DMD: variants seen among roughly 807,000 people sequenced by gnomAD.
DMD encodes mutant dystrophin.
DMD carries 63 observed loss-of-function variants against 330.1 expected under a neutral mutation model. The ratio of observed to expected loss-of-function variants is 0.19; its 90% CI spans 0.16 to 0.24. The LOEUF (loss-of-function observed/expected upper bound fraction) is 0.24, where lower values mean the gene tolerates loss of function less well. Ranked by LOEUF, DMD falls within the 10% of genes least tolerant of loss-of-function variation. The pLI is 1.00. For missense variants in DMD, 3,344 were observed against 2,684.1 expected (o/e 1.25, Z -5.43); for synonymous variants, 1,223 against 959.8 (o/e 1.27, Z -5.07).
chrX:33,124,972 C>A (rs2095453216), intron 1 of DMD, among the ~76,000 whole-genome samples: 1 of 99,359 alleles, frequency 1.0e-5, no homozygotes, highest in Non-Finnish European at 2.0e-5. Context: ...TGCGGTGAGC[C>A]TAAATCTCGC....
At position 32,573,851 on chromosome X, in the gene DMD, A is replaced by G; in HGVS notation, c.1603-5T>C. ...TGCCCATCGATCTCCCAATACCTGGAGAAGAGACAATCAAGCACAGCATCA... is the reference window on the plus strand; with the variant it reads ...TGCCCATCGATCTCCCAATACCTGGGGAAGAGACAATCAAGCACAGCATCA... On this transcript the variant is annotated splice_polypyrimidine_tract_variant and splice_region_variant and intron_variant, in intron 13 of 78. Transcript: ENST00000357033. The G allele has an allele frequency of 8.4e-7, 1 of 1,190,522 alleles. No homozygotes were observed. Among genetic ancestry groups the G allele is most frequent in the Non-Finnish European group, 1.1e-6 (1 of 876,548 alleles).
At chrX:32,610,664 TC>T (rs1316583449) in intron 12 of DMD, among the ~76,000 whole-genome samples, 2 of 111,508 alleles carry the variant, frequency 1.8e-5, no homozygotes, top group Non-Finnish European at 3.8e-5. Context: ...CTGTATCTTT[TC>T]TTTAATTTTG....
chrX:32,485,734 C>CTTTTTTTTAT (rs2042378496), intron 20 of DMD, among the ~76,000 whole-genome samples: 2 of 36,149 alleles, frequency 5.5e-5, no homozygotes, highest in Non-Finnish European at 9.3e-5. Context: ...GCAACCACTG[C>CTTTTTTTTAT]TTTTTTTTTT....
At chrX:31,235,268 G>C (rs1275187420) in intron 63 of DMD, among the ~76,000 whole-genome samples, 4 of 111,697 alleles carry the variant, frequency 3.6e-5, no homozygotes, top group Non-Finnish European at 5.6e-5. Context: ...TTTCCAAGAT[G>C]ACATAAGCAG....
At chrX:32,956,480 C>G (rs964539601) in intron 2 of DMD, among the ~76,000 whole-genome samples, 5 of 111,405 alleles carry the variant, frequency 4.5e-5, no homozygotes, top group African/African-American at 6.5e-5. Context: ...CTGCATGCAA[C>G]AGATGCAATG....
chrX:33,243,215 T>C (rs1311262282), intron 1 of DMD, among the ~76,000 whole-genome samples: 1 of 112,154 alleles, frequency 8.9e-6, no homozygotes, highest in Non-Finnish European at 1.9e-5. Context: ...TGTTATCTTC[T>C]AGAATTTTTA....
intron 41 of DMD, among the ~76,000 whole-genome samples, chrX:32,335,099 CTT>C (rs1473797750): frequency 9.0e-6 from 1 of 111,027 alleles, no homozygotes; most frequent in Non-Finnish European, 1.9e-5. Flanking sequence ...TGTGAAAACT[CTT>C]TGTGAATGTA....
chrX:32,899,976 A>T (rs1481906761), intron 2 of DMD, among the ~76,000 whole-genome samples: 2 of 109,875 alleles, frequency 1.8e-5, no homozygotes, highest in African/African-American at 3.3e-5. Context: ...TTTTGTTGAT[A>T]AAAAAAAGAA....
intron 44 of DMD, among the ~76,000 whole-genome samples, chrX:31,996,526 C>T (rs918486737): frequency 1.1e-4 from 12 of 111,548 alleles, no homozygotes; most frequent in African/African-American, 3.9e-4. Flanking sequence ...CAAAAACAGC[C>T]AAGGTCAGTG....
chrX:31,566,482 C>G (rs1298158379), intron 55 of DMD, among the ~76,000 whole-genome samples: 1 of 111,792 alleles, frequency 8.9e-6, no homozygotes, highest in Non-Finnish European at 1.9e-5. Flanking sequence ...CAACATCATA[C>G]TGTATTGATA....
At chrX:31,504,017 G>A (rs1265878043) in intron 56 of DMD, among the ~76,000 whole-genome samples, 5 of 110,873 alleles carry the variant, frequency 4.5e-5, no homozygotes, top group East Asian at 2.8e-4. Flanking sequence ...TGCATCCTCC[G>A]TGCCCAGAAG....
At position 32,849,832 on chromosome X, in the gene DMD, A is replaced by C. The variant is rs1465248330; in HGVS notation, c.94-12T>G. 3 of 1,119,141 alleles carry C rather than the reference A, an allele frequency of 2.7e-6. No homozygotes were observed. In the Admixed American group the frequency reaches 6.5e-5, roughly 24 times the overall value. 92.2% of individuals were successfully genotyped at this position (1,119,141 alleles called of 1,213,427 possible). A position where few individuals can be genotyped will look rare whatever the true frequency, so the allele number is the denominator to read the frequency against. ...TGCTGCTTCCCAAACTGAAATTAAAAAAAATACACTCAATTTAACAAAGCA... is the reference window on the plus strand; with the variant it reads ...TGCTGCTTCCCAAACTGAAATTAAACAAAATACACTCAATTTAACAAAGCA... On this transcript the variant is annotated splice_polypyrimidine_tract_variant and intron_variant, in intron 2 of 78. Transcript: ENST00000357033.
chrX:31,429,482 T>C (rs1481200110), intron 60 of DMD, among the ~76,000 whole-genome samples: 1 of 112,080 alleles, frequency 8.9e-6, no homozygotes, highest in African/African-American at 3.2e-5. Flanking sequence ...TGTCTTTCCA[T>C]GCAGCTTCCC....
At chrX:31,402,197 G>T (rs1341181313) in intron 60 of DMD, among the ~76,000 whole-genome samples, 1 of 111,625 alleles carries the variant, frequency 9.0e-6, no homozygotes, top group Non-Finnish European at 1.9e-5. Context: ...GAAAACTGGT[G>T]TGTAGAGCAT....
chrX:32,462,292 CTCT>C (rs1471299543), intron 25 of DMD, among the ~76,000 whole-genome samples: 1 of 111,433 alleles, frequency 9.0e-6, no homozygotes, highest in Non-Finnish European at 1.9e-5. Context: ...CAAGTTATCT[CTCT>C]TCTTCTCCCT....
chrX:32,506,403 T>C (rs1355119810), intron 18 of DMD, among the ~76,000 whole-genome samples: 1 of 81,989 alleles, frequency 1.2e-5, no homozygotes, highest in Non-Finnish European at 2.3e-5. Flanking sequence ...GGATTCAATA[T>C]CAAGAGTACA....
intron 44 of DMD, among the ~76,000 whole-genome samples, chrX:31,974,888 T>C (rs2095424670): frequency 1.1e-5 from 1 of 89,649 alleles, no homozygotes; most frequent in Non-Finnish European, 2.2e-5. Flanking sequence ...ATTTATCTTA[T>C]TCATATCAAT....
chrX:31,361,770 CT>C (rs1174751121), intron 60 of DMD, among the ~76,000 whole-genome samples: 1,262 of 93,368 alleles, frequency 0.014, 12 homozygotes, highest in African/African-American at 0.047. Flanking sequence ...CTCTTACCAT[CT>C]TTTTTTTTTT....
chrX:31,702,401 T>G (rs1226467258), intron 52 of DMD, among the ~76,000 whole-genome samples: 3 of 112,305 alleles, frequency 2.7e-5, no homozygotes, highest in Non-Finnish European at 5.6e-5. Flanking sequence ...TACATCATCT[T>G]CATTCTTCCT....
Sources: gnomAD v4.1 joint callset for allele counts (sites outside exome capture counted in the v4.1 genomes callset) on GRCh38, gnomAD v4.1.1 for gene constraint, MANE v1.5 for transcripts, NCBI Gene and HGNC (gene_info 2026-07-23, HGNC 2026-07-21) for gene names.